The following TFRC variants were observed in gnomAD, a reference collection of about 807,000 sequenced individuals.
TFRC encodes the protein transferrin receptor protein 1.
In TFRC, 35 loss-of-function variants were observed where a neutral mutation model predicts 85.8. That is an observed-to-expected ratio of 0.41 (90% CI 0.31 to 0.54). The LOEUF is 0.54. Among genes scored for constraint, TFRC ranks in the 20% least tolerant of loss-of-function variants. The pLI, the probability that TFRC is intolerant of heterozygous loss-of-function variation, is 0.31. For synonymous variants in TFRC, 362 were observed against 328.6 expected (o/e 1.10, Z -1.10); for missense variants, 828 against 921.5 (o/e 0.90, Z 1.31).
At chr3:196,055,785 G>C (rs193298322) in intron 16 of TFRC, among the ~76,000 whole-genome samples, 2 of 144,392 alleles carry the variant, frequency 1.4e-5, no homozygotes, top group Non-Finnish European at 3.0e-5. Context: ...ATGACTCCCC[G>C]CAGCCTTGAG....
intron 1 of TFRC, among the ~76,000 whole-genome samples, chr3:196,080,277 T>C (rs1719056962): frequency 6.6e-6 from 1 of 152,270 alleles, no homozygotes; most frequent in Admixed American, 6.5e-5. Flanking sequence ...CTAATTTTTG[T>C]ATTTTTCGTA....
chr3:196,065,414 G>T, intron 10 of TFRC, 29 bp downstream of exon 10: 2 of 769,258 alleles, frequency 2.6e-6, no homozygotes, highest in Non-Finnish European at 3.4e-6. Context: ...AAAAAAAGCG[G>T]GGCGGGGGGG....
chr3:196,071,104 G>A (rs897388528), intron 6 of TFRC, among the ~76,000 whole-genome samples: 1 of 152,168 alleles, frequency 6.6e-6, no homozygotes, highest in East Asian at 1.9e-4. Flanking sequence ...CAACATGGCA[G>A]TAAATAGAAC....
intron 16 of TFRC, among the ~76,000 whole-genome samples, chr3:196,057,033 G>A (rs1175027039): frequency 6.6e-6 from 1 of 152,084 alleles, no homozygotes; most frequent in Non-Finnish European, 1.5e-5. Context: ...TTTTGGTCAG[G>A]CTAGTCTCAA....
chr3:196,058,639 G>C lies in TFRC; in HGVS notation c.1537-7C>G. The C allele has an allele frequency of 1.0e-5, 16 of 1,605,156 alleles. No individual in the cohort carries two copies. The highest frequency in any genetic ancestry group is 1.4e-5 in the Non-Finnish European group (16 of 1,175,548). ...CAGTAACCGGATGCTTCACCTGTAA[G>C]ATAAGAAATTATCATTAAAACTAAC... On this transcript the variant is annotated splice_region_variant and splice_polypyrimidine_tract_variant and intron_variant, in intron 14 of 18. Transcript: ENST00000360110.
chr3:196,063,030 A>G, intron 11 of TFRC, 91 bp from the exon 12 acceptor site: 1 of 967,174 alleles, frequency 1.0e-6, no homozygotes, highest in Non-Finnish European at 1.6e-6. Flanking sequence ...CAGAAGGTCT[A>G]ATTCCAAGAT....
At position 196,068,103 on chromosome 3, in the gene TFRC, T is replaced by C. The variant is rs533268185; in HGVS notation, c.829A>G (p.Ile277Val). The C allele has an allele frequency of 9.9e-6, 16 of 1,612,946 alleles. No homozygotes were observed. Among genetic ancestry groups the C allele is most frequent in the South Asian group, 4.4e-5 (4 of 90,658 alleles). The part of the protein sequence containing the change: ...KVANAESLNA[I>V]GVLIYMDQTK... ...TGGTCCATGTATATCAACACACCAA[T>C]TGCATTTAAGCTTTCAGCATTTGCA... Residue 277 changes from isoleucine to valine, a missense_variant, in exon 8 of 19, where the codon ATT becomes GTT. Physicochemically the swap from Ile to Val is conservative, Grantham distance 29. Coordinates refer to ENST00000360110, the MANE Select transcript of TFRC (RefSeq NM_001128148.3).
chr3:196,058,849 GT>G (rs1241301883), intron 14 of TFRC: 1 of 318,808 alleles, frequency 3.1e-6, no homozygotes, highest in African/African-American at 2.2e-5. Flanking sequence ...AGGAAAAAAT[GT>G]TTTCTTCTTA....
chr3:196,079,134 A>G (rs531840029), intron 1 of TFRC, among the ~76,000 whole-genome samples: 32 of 152,284 alleles, frequency 2.1e-4, no homozygotes, highest in Admixed American at 8.5e-4. Flanking sequence ...CTTCTGTTAC[A>G]AAAAGCTTAT....
chr3:196,059,274 A>T (rs1717076308), intron 14 of TFRC, among the ~76,000 whole-genome samples: 1 of 152,202 alleles, frequency 6.6e-6, no homozygotes, highest in Non-Finnish European at 1.5e-5. Context: ...AGATCGCACC[A>T]TTGCACTCCA....
At chr3:196,054,291 G>T (rs1716589843) in intron 17 of TFRC, among the ~76,000 whole-genome samples, 1 of 152,188 alleles carries the variant, frequency 6.6e-6, no homozygotes, top group African/African-American at 2.4e-5. Context: ...TGTAATCCCA[G>T]CTACCTGGGG....
In TFRC at chr3:196,067,515, T is replaced by TA; in HGVS notation, c.1040+2dup. The TA allele has an allele frequency of 6.2e-7, 1 of 1,613,134 alleles. No individual in the cohort carries two copies. Among genetic ancestry groups the TA allele is most frequent in the Non-Finnish European group, 8.5e-7 (1 of 1,179,576 alleles). The stretch of plus-strand genomic sequence containing the variant: ...GCAAGACCGCTTTCAAATAAAAACT[T>TA]ACCCAAACAGCTTTTCTGCAGCAGC... On this transcript the variant is annotated splice_region_variant and intron_variant, in intron 9 of 18. Transcript: ENST00000360110.
At chr3:196,067,476 T>C (rs1318766186) in intron 9 of TFRC, 42 bp downstream of exon 9, 1 of 1,585,092 alleles carries the variant, frequency 6.3e-7, no homozygotes, top group East Asian at 2.3e-5. Context: ...TCCCTAATCA[T>C]AAAACCTCAC....
At position 196,075,377 on chromosome 3, in the gene TFRC, G is replaced by A. The variant is rs772819547; in HGVS notation, c.37-17C>T. ...TCCACCAAACTGTGTTGCGGAAAAA[G>A]GCATGATGAAGAACAGGCACGGGAA... On this transcript the variant is annotated splice_polypyrimidine_tract_variant and intron_variant, in intron 2 of 18. Coordinates refer to ENST00000360110, the MANE Select transcript of TFRC (RefSeq NM_001128148.3). 4.3e-6 allele frequency: 7 copies of A among 1,613,612 alleles called. No individual in the cohort carries two copies. The East Asian group carries it at 6.7e-5, about 15-fold the overall frequency.
Position 196,064,350 on chromosome 3 carries a change from A to T in TFRC, c.1277T>A (p.Leu426Gln). Residue 426 changes from leucine (L) to glutamine (Q), a missense_variant, in exon 11 of 19, where the codon CTA (leucine) becomes CAA (glutamine). Transcript: ENST00000360110. ...AAKSGVGTAL[L>Q]LKLAQMFSDM... The stretch of plus-strand genomic sequence containing the variant: ...TGAGAACATCTGGGCAAGTTTCAAT[A>T]GGAGAGCTGTGCCTACACCGGATTT... 6.2e-7 allele frequency: 1 copy of T among 1,613,754 alleles called. No individual in the cohort carries two copies. Among genetic ancestry groups the T allele is most frequent in the Non-Finnish European group, 8.5e-7 (1 of 1,179,888 alleles).
chr3:196,079,378 G>A (rs759013635), intron 1 of TFRC, among the ~76,000 whole-genome samples: 59 of 152,170 alleles, frequency 3.9e-4, no homozygotes, highest in Admixed American at 2.2e-3. Context: ...TTGGGAGGCC[G>A]AGGCGAGCAG....
At chr3:196,052,850 C>T (rs745517479) in intron 18 of TFRC, among the ~76,000 whole-genome samples, 3 of 152,054 alleles carry the variant, frequency 2.0e-5, no homozygotes, top group Non-Finnish European at 2.9e-5. Context: ...CAGCGGCTCA[C>T]GCTTGTAATA....
chr3:196,062,761 G>C, intron 12 of TFRC, 93 bp downstream of exon 12: 3 of 1,556,314 alleles, frequency 1.9e-6, no homozygotes, highest in Non-Finnish European at 2.6e-6. Context: ...AAAGGCAAAA[G>C]TGGTAAAATC....
intron 1 of TFRC, among the ~76,000 whole-genome samples, chr3:196,079,379 A>C (rs1718977294): frequency 6.6e-6 from 1 of 152,038 alleles, no homozygotes; most frequent in African/African-American, 2.4e-5. Flanking sequence ...TGGGAGGCCG[A>C]GGCGAGCAGA....
Sources: allele counts gnomAD v4.1 joint callset (sites outside exome capture counted in the v4.1 genomes callset), GRCh38; gene constraint gnomAD v4.1.1; transcripts MANE v1.5; gene names NCBI Gene and HGNC (gene_info 2026-07-23, HGNC 2026-07-21).